TSEN15: variants seen among roughly 807,000 people sequenced by gnomAD.
The protein encoded by TSEN15 is tRNA splicing endonuclease subunit 15.
TSEN15 carries 10 observed loss-of-function variants against 20.5 expected under a neutral mutation model. The observed-to-expected ratio is 0.49, with a 90% CI of 0.30 to 0.83. The LOEUF is 0.83. Among genes scored for constraint, TSEN15 ranks in the 40% least tolerant of loss-of-function variants. TSEN15 has a pLI of 0.06. For missense variants in TSEN15, 180 were observed against 218.6 expected (o/e 0.82, Z 1.11); for synonymous variants, 72 against 80.1 (o/e 0.90, Z 0.54).
At chr1:184,060,198 T>G (rs1650400827) in intron 3 of TSEN15, among the ~76,000 whole-genome samples, 1 of 152,236 alleles carries the variant, frequency 6.6e-6, no homozygotes, top group South Asian at 2.1e-4. Flanking sequence ...TTTTATTTTT[T>G]GACAGAAATA....
At chr1:184,082,755 T>C (rs1327113591) in intron 3 of TSEN15, among the ~76,000 whole-genome samples, 26 of 152,158 alleles carry the variant, frequency 1.7e-4, no homozygotes, top group Admixed American at 1.6e-3. Flanking sequence ...ATGCCGACCA[T>C]TTCCAGATCA....
rs1248701779 is a variant in TSEN15, at chr1:184,072,887, T to C, written c.*40T>C. On this transcript the variant is annotated 3_prime_UTR_variant, in exon 5 of 5. Transcript: ENST00000645668. ...GATGCTTGTTTTATTCATACAAGAT[T>C]GGATTTGAGACCCATCAGACTGCTT... 3 of 1,590,028 alleles carry C rather than the reference T, an allele frequency of 1.9e-6. No homozygotes were observed. The South Asian group carries it at 3.4e-5, about 18-fold the overall frequency.
At chr1:184,081,259 G>A (rs1651162957) in intron 3 of TSEN15, among the ~76,000 whole-genome samples, 1 of 152,144 alleles carries the variant, frequency 6.6e-6, no homozygotes, top group South Asian at 2.1e-4. Flanking sequence ...AACAGCCAGC[G>A]AGTTCATTTA....
downstream of TSEN15, among the ~76,000 whole-genome samples, chr1:184,079,064 G>A (rs997515171): frequency 2.6e-5 from 4 of 152,104 alleles, no homozygotes; most frequent in Non-Finnish European, 5.9e-5. Flanking sequence ...TATCCTCTGA[G>A]CAATTAATAG....
intron 3 of TSEN15, among the ~76,000 whole-genome samples, chr1:184,066,830 A>G (rs564778004): frequency 2.0e-5 from 3 of 152,288 alleles, no homozygotes; most frequent in Admixed American, 2.0e-4. Flanking sequence ...TATCTACAAA[A>G]CAACGTGCTG....
rs1025899431 is a variant in TSEN15, at chr1:184,067,764, A to C, written c.354-4393A>C. Among the ~76,000 whole-genome samples the C allele has an allele frequency of 2.0e-5, 3 of 151,224 alleles. No individual in the cohort carries two copies. The East Asian group carries it at 5.8e-4, about 29-fold the overall frequency. On this transcript the variant is annotated intron_variant, in intron 3 of 4. Transcript: ENST00000645668. ...AAAACCCCGTCTCTACTAAAAATAC[A>C]AAAAATTAGCTGGATGTGGTGGTGT...
At chr1:184,070,666 A>G (rs998287371) in intron 3 of TSEN15, 9 of 1,290,370 alleles carry the variant, frequency 7.0e-6, no homozygotes, top group Admixed American at 2.3e-5. Flanking sequence ...ACATTAAAAG[A>G]TTTGCATTGA....
rs1275189408 is a variant in TSEN15, at chr1:184,056,359, A to G, written c.353+1496A>G. ...CTGAATATTTCTTTATATATGTATT[A>G]TTTATAAGAAATATCTGTTCATATC... On this transcript the variant is annotated intron_variant, in intron 3 of 4. Transcript: ENST00000645668. Among the ~76,000 whole-genome samples, 4 of 152,120 alleles carry G rather than the reference A, an allele frequency of 2.6e-5. No individual in the cohort carries two copies. The South Asian group carries it at 6.2e-4, about 24-fold the overall frequency.
intron 3 of TSEN15, among the ~76,000 whole-genome samples, chr1:184,086,144 C>T (rs1572721898): frequency 6.6e-6 from 1 of 152,198 alleles, no homozygotes. Context: ...CAGAAAAAAA[C>T]ATTTTTGGAA....
intron 3 of TSEN15, among the ~76,000 whole-genome samples, chr1:184,068,310 T>A (rs1312636998): frequency 6.6e-6 from 1 of 152,146 alleles, no homozygotes; most frequent in East Asian, 1.9e-4. Flanking sequence ...TATTTCCACT[T>A]TCTGAAAGCA....
intron 3 of TSEN15, among the ~76,000 whole-genome samples, chr1:184,071,877 AG>A (rs1289818306): frequency 6.6e-6 from 1 of 152,164 alleles, no homozygotes; most frequent in Admixed American, 6.6e-5. Context: ...TATCTACAAA[AG>A]ATACACTTCA....
At chr1:184,089,379 C>G (rs757596488) in intron 3 of TSEN15, among the ~76,000 whole-genome samples, 6 of 151,884 alleles carry the variant, frequency 4.0e-5, no homozygotes, top group Non-Finnish European at 8.8e-5. Flanking sequence ...TGGCTAAGGC[C>G]CTATTTGTTG....
chr1:184,075,657 T>A (rs975484718), downstream of TSEN15, among the ~76,000 whole-genome samples: 1 of 151,792 alleles, frequency 6.6e-6, no homozygotes, highest in East Asian at 1.9e-4. Flanking sequence ...CAGACTCTAC[T>A]AAGAGTAGAT....
intron 3 of TSEN15, chr1:184,058,131 T>C (rs1650312890): frequency 2.3e-6 from 1 of 429,028 alleles, no homozygotes; most frequent in Admixed American, 2.6e-5. Context: ...TACAAATTTG[T>C]TTCCATTGTT....
chr1:184,081,467 C>T (rs981943199), intron 3 of TSEN15, among the ~76,000 whole-genome samples: 1 of 152,188 alleles, frequency 6.6e-6, no homozygotes, highest in African/African-American at 2.4e-5. Flanking sequence ...CCACGTTTCA[C>T]TAGCCAAAGG....
chr1:184,068,556 T>C (rs992777281), intron 3 of TSEN15, among the ~76,000 whole-genome samples: 8 of 152,182 alleles, frequency 5.3e-5, no homozygotes, highest in Non-Finnish European at 1.0e-4. Context: ...CATTACAGAA[T>C]GACTTCCCAC....
chr1:184,067,924 C>CAAAAAAAAA (rs71130650), intron 3 of TSEN15, among the ~76,000 whole-genome samples: 36 of 54,840 alleles, frequency 6.6e-4, no homozygotes, highest in African/African-American at 3.3e-3. Flanking sequence ...CTCTCTCTCT[C>CAAAAAAAAA]AAAAAAAAAA....
chr1:184,072,520 C>G, intron 4 of TSEN15: 1 of 557,158 alleles, frequency 1.8e-6, no homozygotes, highest in Non-Finnish European at 3.0e-6. Flanking sequence ...TTTCCTTACT[C>G]TTTGGAGAAT....
At chr1:184,097,387 C>T (rs1651474413) in exon 4 of TSEN15, 1 of 152,204 alleles carries the variant, frequency 6.6e-6, no homozygotes, top group Non-Finnish European at 1.5e-5. Flanking sequence ...CTGTTACTGC[C>T]TCTCCGCTGC....
Sources: allele counts gnomAD v4.1 joint callset (sites outside exome capture counted in the v4.1 genomes callset), GRCh38; gene constraint gnomAD v4.1.1; transcripts MANE v1.5; gene names NCBI Gene and HGNC (gene_info 2026-07-23, HGNC 2026-07-21).